The following UBE2L3 variants were observed in gnomAD, a reference collection of about 807,000 sequenced individuals.
UBE2L3 encodes the protein ubiquitin conjugating enzyme E2 L3, also known as ubiquitin-conjugating enzyme E2 L3.
In UBE2L3, 1 loss-of-function variant was observed where a neutral mutation model predicts 17.8. The observed-to-expected ratio is 0.06, with a 90% CI of 0.02 to 0.27. UBE2L3 has a LOEUF of 0.27. Among genes scored for constraint, UBE2L3 ranks in the 10% least tolerant of loss-of-function variants. The pLI is 1.00. For synonymous variants in UBE2L3, 44 were observed against 68.5 expected, an observed-to-expected ratio of 0.64 and a Z score of 1.76; for missense variants, 40 against 192.6, an observed-to-expected ratio of 0.21 and a Z score of 4.69.
At chr22:21,559,162 C>A (rs1473180517) in intron 1 of UBE2L3, among the ~76,000 whole-genome samples, 33 of 152,040 alleles carry the variant, frequency 2.2e-4, no homozygotes, top group Non-Finnish European at 2.9e-5. Flanking sequence ...GCCTGGCTAA[C>A]ATGGTGAAAC....
At chr22:21,557,341 T>C (rs1926268513) in intron 1 of UBE2L3, among the ~76,000 whole-genome samples, 1 of 152,240 alleles carries the variant, frequency 6.6e-6, no homozygotes, top group African/African-American at 2.4e-5. Context: ...CACTTCCACC[T>C]GGACGAAAGA....
At chr22:21,610,319 T>TA (rs1160980892) in intron 2 of UBE2L3, among the ~76,000 whole-genome samples, 1 of 152,200 alleles carries the variant, frequency 6.6e-6, no homozygotes, top group Admixed American at 6.5e-5. Flanking sequence ...TTTGGGGAGA[T>TA]ACATTCAGAC....
At chr22:21,606,500 A>G (rs1929179959) in intron 2 of UBE2L3, among the ~76,000 whole-genome samples, 2 of 152,204 alleles carry the variant, frequency 1.3e-5, no homozygotes, top group African/African-American at 4.8e-5. Context: ...CAAGCAGTGT[A>G]AATGACAATG....
At chr22:21,611,299 C>T (rs933898530) in intron 3 of UBE2L3, among the ~76,000 whole-genome samples, 11 of 152,192 alleles carry the variant, frequency 7.2e-5, no homozygotes, top group African/African-American at 2.7e-4. Flanking sequence ...ACAGACAAGC[C>T]CAGTGGCTTG....
At chr22:21,567,681 C>A, upstream of UBE2L3, 1 of 1,554,210 alleles carries the variant, frequency 6.4e-7, no homozygotes, top group Non-Finnish European at 8.7e-7. Context: ...CCAGGAAGTG[C>A]GGGGGCTCCA....
At chr22:21,567,024 T>C (rs1354629156), upstream of UBE2L3, among the ~76,000 whole-genome samples, 1 of 152,170 alleles carries the variant, frequency 6.6e-6, no homozygotes, top group African/African-American at 2.4e-5. Flanking sequence ...AATAAAGCAC[T>C]AGAGAGAGGT....
intron 2 of UBE2L3, among the ~76,000 whole-genome samples, chr22:21,594,722 G>A (rs528211117): frequency 3.3e-5 from 5 of 152,276 alleles, no homozygotes; most frequent in Non-Finnish European, 5.9e-5. Flanking sequence ...GGCAAAGGGT[G>A]TGGGTGGCAG....
chr22:21,588,820 G>A (rs1468394887), intron 1 of UBE2L3, among the ~76,000 whole-genome samples: 2 of 151,848 alleles, frequency 1.3e-5, no homozygotes, highest in Non-Finnish European at 2.9e-5. Context: ...CTGCCACCAC[G>A]CCCGGCTAAT....
chr22:21,621,364 T>C, intron 3 of UBE2L3, 151 bp from the exon 4 acceptor site: 1 of 974,486 alleles, frequency 1.0e-6, no homozygotes, highest in Non-Finnish European at 1.5e-6. Context: ...GCAGTCAGAA[T>C]TTTGGATAAA....
chr22:21,602,811 TCCCCTCGTC>T (rs1928935311), intron 2 of UBE2L3, among the ~76,000 whole-genome samples: 1 of 152,134 alleles, frequency 6.6e-6, no homozygotes, highest in African/African-American at 2.4e-5. Context: ...AAGGGCCAGT[TCCCCTCGTC>T]CCCGCATCCC....
upstream of UBE2L3, among the ~76,000 whole-genome samples, chr22:21,562,754 C>T (rs113108344): frequency 2.0e-5 from 3 of 150,262 alleles, no homozygotes; most frequent in African/African-American, 2.4e-5. Context: ...ATCCACCTGC[C>T]TCGGCCTCCC....
upstream of UBE2L3, chr22:21,567,682 G>A (rs901852560): frequency 6.4e-7 from 1 of 1,554,624 alleles, no homozygotes; most frequent in Non-Finnish European, 8.7e-7. Context: ...CAGGAAGTGC[G>A]GGGGCTCCAG....
intron 1 of UBE2L3, among the ~76,000 whole-genome samples, chr22:21,580,074 G>A (rs374396265): frequency 6.6e-6 from 1 of 152,214 alleles, no homozygotes; most frequent in African/African-American, 2.4e-5. Flanking sequence ...GTAAATATTG[G>A]TCAATACTAT....
intron 1 of UBE2L3, among the ~76,000 whole-genome samples, chr22:21,588,886 A>T (rs1282043636): frequency 1.3e-5 from 2 of 148,778 alleles, no homozygotes; most frequent in African/African-American, 5.0e-5. Flanking sequence ...CTGGTCTTGA[A>T]CTCCTGACCT....
upstream of UBE2L3, among the ~76,000 whole-genome samples, chr22:21,565,783 A>AAG (rs1568967884): frequency 6.7e-6 from 1 of 148,440 alleles, no homozygotes; most frequent in Non-Finnish European, 1.5e-5. Flanking sequence ...AAAAAAAAAA[A>AAG]AGAGAAAAAC....
At chr22:21,613,507 A>G (rs7291623) in intron 3 of UBE2L3, among the ~76,000 whole-genome samples, 3,043 of 152,294 alleles carry the variant, frequency 0.02, 111 homozygotes, top group African/African-American at 0.071. Context: ...TTCCTAGAAC[A>G]TTATTATGTA....
intron 1 of UBE2L3, chr22:21,568,159 C>T: frequency 9.9e-7 from 1 of 1,013,436 alleles, no homozygotes; most frequent in Non-Finnish European, 1.2e-6. Flanking sequence ...GAGCCCCTGC[C>T]CGGAGCCCGC....
chr22:21,592,713 T>C, intron 1 of UBE2L3, 148 bp from the exon 2 acceptor site: 1 of 675,720 alleles, frequency 1.5e-6, no homozygotes, highest in Non-Finnish European at 2.6e-6. Context: ...CATGCCTCCT[T>C]AACCACTCCA....
chr22:21,566,147 ATT>A, upstream of UBE2L3, among the ~76,000 whole-genome samples: 1 of 151,794 alleles, frequency 6.6e-6, no homozygotes, highest in South Asian at 2.1e-4. Context: ...TAATTTTTGT[ATT>A]TTTAGTAGAG....
Sources: allele counts gnomAD v4.1 joint callset (sites outside exome capture counted in the v4.1 genomes callset), GRCh38; gene constraint gnomAD v4.1.1; transcripts MANE v1.5; gene names NCBI Gene and HGNC (gene_info 2026-07-23, HGNC 2026-07-21).